The following NFIX variants were observed in gnomAD, a reference collection of about 807,000 sequenced individuals.
NFIX encodes the protein nuclear factor 1 X-type.
A neutral mutation model predicts 53.3 loss-of-function variants in NFIX; 2 were observed. That is an observed-to-expected ratio of 0.04 (90% CI 0.02 to 0.12). The LOEUF is 0.12. NFIX is among the 10% of genes least tolerant of loss of function. NFIX has a pLI of 1.00. For synonymous variants in NFIX, 244 were observed against 289.0 expected (o/e 0.84, Z 1.58); for missense variants, 310 against 674.5 (o/e 0.46, Z 5.99).
chr19:13,033,721 C>G (rs2013980483), intron 2 of NFIX, among the ~76,000 whole-genome samples: 1 of 152,212 alleles, frequency 6.6e-6, no homozygotes, highest in African/African-American at 2.4e-5. Flanking sequence ...GAATTCTCAC[C>G]CTGATTCTAG....
At chr19:13,039,220 A>T (rs1216676928) in intron 2 of NFIX, among the ~76,000 whole-genome samples, 1 of 135,658 alleles carries the variant, frequency 7.4e-6, no homozygotes, top group Non-Finnish European at 1.6e-5. Flanking sequence ...TAAATTAAAC[A>T]CCCCCCCCCA....
At chr19:13,091,065 G>A (rs1428656815) in intron 10 of NFIX, among the ~76,000 whole-genome samples, 2 of 152,166 alleles carry the variant, frequency 1.3e-5, no homozygotes, top group Admixed American at 1.3e-4. Context: ...GGAGACCCCA[G>A]AGGCCAGTGC....
chr19:13,081,762 G>C lies in NFIX; in HGVS notation c.1161G>C (p.Pro387=), dbSNP rs745896204. Residue 387 remains proline, a synonymous_variant, in exon 8 of 11, where the codon CCG becomes CCC. Coordinates refer to ENST00000592199, the MANE Select transcript of NFIX (RefSeq NM_001365902.3). This position sits in a 1 kb window ranked among gnomAD's most constrained non-coding sequence, Gnocchi z 4.7. Reference sequence around the variant, plus strand: ...AGTCGAGCCCGTATTTCACGCACCCGACCATCCGCTACCACCACCACCACG... The same window carrying C: ...AGTCGAGCCCGTATTTCACGCACCCCACCATCCGCTACCACCACCACCACG... The part of the protein sequence containing the change: ...IQQSSPYFTH[P]TIRYHHHHGQ... 3.7e-6 allele frequency: 6 copies of C among 1,613,756 alleles called. No homozygotes were observed. The Admixed American group carries it at 1.0e-4, about 27-fold the overall frequency.
rs1345427259 is a variant in NFIX, at chr19:13,078,254, G to T, written c.956-359G>T. Among the ~76,000 whole-genome samples the T allele has an allele frequency of 2.6e-5, 4 of 152,166 alleles. No homozygotes were observed. The highest frequency in any genetic ancestry group is 5.9e-5 in the Non-Finnish European group (4 of 68,030). On this transcript the variant is annotated intron_variant, in intron 6 of 10. Transcript: ENST00000592199. This position sits in a 1 kb window ranked among gnomAD's most constrained non-coding sequence, Gnocchi z 4.7. ...AAGCTGGCGCCCTGGGGTTCCTCCT[G>T]CACTCCTTTCCCAATGTTGGTCCTG...
At position 13,068,886 on chromosome 19, in the gene NFIX, C is replaced by T. The variant is rs750366451; in HGVS notation, c.560-4161C>T. On this transcript the variant is annotated intron_variant, in intron 2 of 10. Transcript: ENST00000592199. The surrounding 1 kb of genome is among the most constrained non-coding windows in gnomAD (Gnocchi z 4.2). ...GTTTGTGTGACACGAGCCAGCCTGA[C>T]ACCCCCAAACAGCATCGAGAATGAG... Among the ~76,000 whole-genome samples the T allele has an allele frequency of 3.9e-5, 6 of 152,252 alleles. No homozygotes were observed. The highest frequency in any genetic ancestry group is 8.8e-5 in the Non-Finnish European group (6 of 68,042).
chr19:13,035,558 C>T (rs1196979821), intron 2 of NFIX, among the ~76,000 whole-genome samples: 1 of 152,058 alleles, frequency 6.6e-6, no homozygotes, highest in Admixed American at 6.6e-5. Flanking sequence ...GAGACCAGAA[C>T]TGTTGTCTGG....
Position 13,012,200 on chromosome 19 carries a change from C to G in NFIX, c.28-12821C>G, listed in dbSNP as rs940336570. The G allele has an allele frequency of 1.3e-5, 2 of 152,272 alleles. No individual in the cohort carries two copies. The highest frequency in any genetic ancestry group is 1.5e-5 in the Non-Finnish European group (1 of 68,076). 9.4% of individuals were successfully genotyped at this position (152,272 alleles called of 1,614,324 possible). ...CGCGACCTGTGTGGCATGTACCAGGCTGGCTCCGACGACGGAACCGCCATG... is the reference window on the plus strand; with the variant it reads ...CGCGACCTGTGTGGCATGTACCAGGGTGGCTCCGACGACGGAACCGCCATG... On this transcript the variant is annotated intron_variant, in intron 1 of 10. Coordinates refer to ENST00000592199, the MANE Select transcript of NFIX (RefSeq NM_001365902.3). This position sits in a 1 kb window ranked among gnomAD's most constrained non-coding sequence, Gnocchi z 5.0.
rs2011965255 is a variant in NFIX, at chr19:13,005,505, AG to A, written c.27+9644del. Among the ~76,000 whole-genome samples, 1 of 152,200 alleles carries A rather than the reference AG, an allele frequency of 6.6e-6. No individual in the cohort carries two copies. Among genetic ancestry groups the A allele is most frequent in the African/African-American group, 2.4e-5 (1 of 41,456 alleles). On this transcript the variant is annotated intron_variant, in intron 1 of 10. Transcript: ENST00000592199. This position sits in a 1 kb window ranked among gnomAD's most constrained non-coding sequence, Gnocchi z 4.7. ...GTCTCAATTTCTGTATCTAGGAAGC[AG>A]GGCTGTGGTAAGGATCTGAGGAGTT... is the stretch of plus-strand genomic sequence containing the variant.
intron 2 of NFIX, among the ~76,000 whole-genome samples, chr19:13,057,486 G>A (rs1465532429): frequency 1.3e-5 from 2 of 152,122 alleles, no homozygotes; most frequent in Non-Finnish European, 2.9e-5. Context: ...CTCGGCTTTC[G>A]CTCCCACCAA....
chr19:13,078,714 G>T lies in NFIX; in HGVS notation c.1057G>T (p.Val353Leu). 6.2e-7 allele frequency: 1 copy of T among 1,601,076 alleles called. No individual in the cohort carries two copies. The highest frequency in any genetic ancestry group is 8.5e-7 in the Non-Finnish European group (1 of 1,174,080). The change falls in exon 7 of 11, where the codon GTG becomes TTG. Residue 353 changes from valine (V) to leucine (L), a missense_variant. By Grantham distance (32) the Val-to-Leu change is conservative (BLOSUM62 1). Transcript: ENST00000592199. This position sits in a 1 kb window ranked among gnomAD's most constrained non-coding sequence, Gnocchi z 4.7. The part of the protein sequence containing the change: ...RMAFTHHPLP[V>L]LAGVRPGSPR... ...GGCTTTCACCCACCACCCGCTGCCTGTGCTTGCTGGAGTCAGACCAGGTGA... is the reference window on the plus strand; with the variant it reads ...GGCTTTCACCCACCACCCGCTGCCTTTGCTTGCTGGAGTCAGACCAGGTGA...
chr19:13,048,754 A>G (rs1411508464), intron 2 of NFIX, among the ~76,000 whole-genome samples: 2 of 151,734 alleles, frequency 1.3e-5, no homozygotes, highest in African/African-American at 4.8e-5. Context: ...TTAAGATTTA[A>G]ATCACATAAT....
intron 6 of NFIX, among the ~76,000 whole-genome samples, chr19:13,077,892 G>A (rs2017206411): frequency 6.6e-6 from 1 of 152,204 alleles, no homozygotes; most frequent in Admixed American, 6.5e-5. Flanking sequence ...CATGCTGAAT[G>A]CCACCCACAC....
rs1172142650 is a variant in NFIX, at chr19:13,072,273, A to G, written c.560-774A>G. ...AGCTCAGCAAAATATTCACACACAC[A>G]CTCCACCCTGCCCCCAGCCCTCTGT... is the stretch of plus-strand genomic sequence containing the variant. On this transcript the variant is annotated intron_variant, in intron 2 of 10. Coordinates refer to ENST00000592199, the MANE Select transcript of NFIX (RefSeq NM_001365902.3). The surrounding 1 kb of genome is among the most constrained non-coding windows in gnomAD (Gnocchi z 4.0). 6.6e-6 allele frequency among the ~76,000 whole-genome samples: 1 copy of G among 150,940 alleles called. No individual in the cohort carries two copies. Among genetic ancestry groups the G allele is most frequent in the Non-Finnish European group, 1.5e-5 (1 of 67,722 alleles).
At position 13,002,593 on chromosome 19, in the gene NFIX, G is replaced by A. The variant is rs1371562282; in HGVS notation, c.27+6729G>A. Among the ~76,000 whole-genome samples the A allele has an allele frequency of 1.3e-5, 2 of 152,182 alleles. No homozygotes were observed. The highest frequency in any genetic ancestry group is 4.8e-5 in the African/African-American group (2 of 41,442). ...GCGGGCAGGGAGGGGTCGGGGGCAC[G>A]GAGCTGGGGTGTCTGGCTTCTGGTG... On this transcript the variant is annotated intron_variant, in intron 1 of 10. Transcript: ENST00000592199. This position sits in a 1 kb window ranked among gnomAD's most constrained non-coding sequence, Gnocchi z 6.1.
chr19:13,074,074 G>T lies in NFIX; in HGVS notation c.818+48G>T, dbSNP rs746922039. The T allele has an allele frequency of 9.3e-6, 15 of 1,609,884 alleles. No homozygotes were observed. The Admixed American group carries it at 2.3e-4, about 25-fold the overall frequency. The stretch of plus-strand genomic sequence containing the variant: ...TCCATCTTCTCTCCACTCCCCCCAG[G>T]GCCAGGGCCGTCCCAGTGGCTATAG... On this transcript the variant is annotated intron_variant, in intron 5 of 10. Coordinates refer to ENST00000592199, the MANE Select transcript of NFIX (RefSeq NM_001365902.3).
In NFIX at chr19:13,068,827, G is replaced by A. The variant is rs541032841; in HGVS notation, c.560-4220G>A. Among the ~76,000 whole-genome samples, 1 of 152,346 alleles carries A rather than the reference G, an allele frequency of 6.6e-6. No homozygotes were observed. The highest frequency in any genetic ancestry group is 2.1e-4 in the South Asian group (1 of 4,832). ...AGACATGGATCTCACGAGTAGCCCA[G>A]GTCCCCAGAGAAGGACAGCCCGCAG... is the stretch of plus-strand genomic sequence containing the variant. On this transcript the variant is annotated intron_variant, in intron 2 of 10. Transcript: ENST00000592199. The surrounding 1 kb of genome is among the most constrained non-coding windows in gnomAD (Gnocchi z 4.2).
rs1437646362 is a variant in NFIX at position 13,027,937 on chromosome 19, C to A, written c.559+2385C>A. Among the ~76,000 whole-genome samples, 1 of 152,182 alleles carries A rather than the reference C, an allele frequency of 6.6e-6. No homozygotes were observed. On this transcript the variant is annotated intron_variant, in intron 2 of 10. Coordinates refer to ENST00000592199, the MANE Select transcript of NFIX (RefSeq NM_001365902.3). The surrounding 1 kb of genome is among the most constrained non-coding windows in gnomAD (Gnocchi z 4.3). ...TAATTTCAGTGAAGGTAGGATTTTT[C>A]TCACTGGAATTGCTTTAGTTTGAGT...
Position 13,013,156 on chromosome 19 carries a change from G to A in NFIX, c.28-11865G>A, listed in dbSNP as rs537265282. ...TCTCAGGGCTGATTTCTTGAATTTG[G>A]GGCGTCGAGGCCTCCCCACCCGTTG... On this transcript the variant is annotated intron_variant, in intron 1 of 10. Coordinates refer to ENST00000592199, the MANE Select transcript of NFIX (RefSeq NM_001365902.3). The surrounding 1 kb of genome is among the most constrained non-coding windows in gnomAD (Gnocchi z 5.9). Among the ~76,000 whole-genome samples the A allele has an allele frequency of 6.6e-6, 1 of 152,222 alleles. No individual in the cohort carries two copies. Among genetic ancestry groups the A allele is most frequent in the South Asian group, 2.1e-4 (1 of 4,826 alleles).
At position 13,081,359 on chromosome 19, in the gene NFIX, A is replaced by G. The variant is rs1007355419; in HGVS notation, c.1079-321A>G. The stretch of plus-strand genomic sequence containing the variant: ...CCAAATAAAATAAAGACAAGATCCT[A>G]CCCTGCCTCATCTGCCTCATCCTAA... On this transcript the variant is annotated intron_variant, in intron 7 of 10. Coordinates refer to ENST00000592199, the MANE Select transcript of NFIX (RefSeq NM_001365902.3). The surrounding 1 kb of genome is among the most constrained non-coding windows in gnomAD (Gnocchi z 4.7). 8.9e-4 allele frequency among the ~76,000 whole-genome samples: 136 copies of G among 152,108 alleles called. 1 individual carries two copies. Among genetic ancestry groups the G allele is most frequent in the African/African-American group, 2.2e-3 (91 of 41,472 alleles).
Sources: allele counts gnomAD v4.1 joint callset (sites outside exome capture counted in the v4.1 genomes callset), GRCh38; gene constraint gnomAD v4.1.1; non-coding constraint Gnocchi (gnomAD v3.1); transcripts MANE v1.5; gene names NCBI Gene and HGNC (gene_info 2026-07-23, HGNC 2026-07-21).